The following CCDC88C variants were observed in gnomAD, a reference collection of about 807,000 sequenced individuals.
CCDC88C encodes coiled-coil and HOOK domain protein 88C.
CCDC88C carries 131 observed loss-of-function variants against 198.8 expected under a neutral mutation model. The observed-to-expected ratio is 0.66, with a 90% CI of 0.57 to 0.76. CCDC88C has a LOEUF of 0.76. Among genes scored for constraint, CCDC88C ranks in the 30% least tolerant of loss-of-function variants. The pLI is 0.00. For synonymous variants in CCDC88C, 1,166 were observed against 1,114.7 expected (o/e 1.05, Z -0.92); for missense variants, 2,553 against 2,631.6 (o/e 0.97, Z 0.65).
Position 91,325,016 on chromosome 14 carries a change from T to C in CCDC88C, c.1198-93A>G. 1 of 1,498,972 alleles carries C rather than the reference T, an allele frequency of 6.7e-7. No homozygotes were observed. The highest frequency in any genetic ancestry group is 9.1e-7 in the Non-Finnish European group (1 of 1,093,048). The allele number at this position is 1,498,972 out of a possible 1,614,324, so 92.9% of individuals were successfully genotyped here. On this transcript the variant is annotated intron_variant, in intron 11 of 29. Transcript: ENST00000389857. The surrounding 1 kb of genome is among the most constrained non-coding windows in gnomAD (Gnocchi z 4.1). ...CCCCTGTATAGCTACCGTCATGTGC[T>C]GTGGATGAAGATGTACTGGCTCACT...
At chr14:91,282,008 G>C (rs1021591505) in intron 26 of CCDC88C, among the ~76,000 whole-genome samples, 2 of 152,192 alleles carry the variant, frequency 1.3e-5, no homozygotes, top group Non-Finnish European at 2.9e-5. Context: ...AACAGCTCCT[G>C]ACCAGAAACA....
chr14:91,356,895 C>T (rs1465738098), intron 4 of CCDC88C, among the ~76,000 whole-genome samples: 1 of 151,982 alleles, frequency 6.6e-6, no homozygotes, highest in Non-Finnish European at 1.5e-5. Flanking sequence ...GGGGGAGCAC[C>T]AGCAGGAAGG....
intron 12 of CCDC88C, among the ~76,000 whole-genome samples, chr14:91,323,943 T>C (rs139501751): frequency 6.6e-6 from 1 of 152,364 alleles, no homozygotes; most frequent in East Asian, 1.9e-4. Flanking sequence ...ATGCAAGAAA[T>C]ATTCACCTGT....
intron 4 of CCDC88C, among the ~76,000 whole-genome samples, chr14:91,356,381 C>T (rs1209090293): frequency 1.3e-5 from 2 of 152,152 alleles, no homozygotes. Flanking sequence ...CAGCGAGGCC[C>T]GGGGCCCTCT....
chr14:91,347,682 C>T (rs1477300158), intron 4 of CCDC88C, among the ~76,000 whole-genome samples: 1 of 152,252 alleles, frequency 6.6e-6, no homozygotes, highest in African/African-American at 2.4e-5. Flanking sequence ...AGTCAGGAAA[C>T]AACAGGTGCT....
At chr14:91,366,497 AT>A (rs1433120549) in intron 3 of CCDC88C, among the ~76,000 whole-genome samples, 1 of 149,354 alleles carries the variant, frequency 6.7e-6, no homozygotes, top group Non-Finnish European at 1.5e-5. Context: ...AAATATAAAA[AT>A]AAAAAAAAAC....
In CCDC88C at chr14:91,381,860, C is replaced by T. The variant is rs780080194; in HGVS notation, c.271-22149G>A. On this transcript the variant is annotated intron_variant, in intron 3 of 29. Transcript: ENST00000389857. This position sits in a 1 kb window ranked among gnomAD's most constrained non-coding sequence, Gnocchi z 4.2. ...ACAACAAAAAACCGGCCCTTTCTTGCGAGACTCAGCTCACTCCTCTCTCCA... is the reference window on the plus strand; with the variant it reads ...ACAACAAAAAACCGGCCCTTTCTTGTGAGACTCAGCTCACTCCTCTCTCCA... 6.6e-6 allele frequency among the ~76,000 whole-genome samples: 1 copy of T among 151,958 alleles called. No homozygotes were observed. The highest frequency in any genetic ancestry group is 6.6e-5 in the Admixed American group (1 of 15,258).
rs748040053 is a variant in CCDC88C, at chr14:91,339,227, G to C, written c.809+51C>G. ...ACACATGTGAGTCGACACCACACCAGAAACATGTCTGCAACACACACAAAG... is the reference window on the plus strand; with the variant it reads ...ACACATGTGAGTCGACACCACACCACAAACATGTCTGCAACACACACAAAG... On this transcript the variant is annotated intron_variant, in intron 8 of 29. Coordinates refer to ENST00000389857, the MANE Select transcript of CCDC88C (RefSeq NM_001080414.4). This position sits in a 1 kb window ranked among gnomAD's most constrained non-coding sequence, Gnocchi z 5.8. 6.3e-7 allele frequency: 1 copy of C among 1,599,272 alleles called. No homozygotes were observed. Among genetic ancestry groups the C allele is most frequent in the Admixed American group, 1.7e-5 (1 of 58,660 alleles).
In CCDC88C at chr14:91,389,369, T is replaced by C. The variant is rs536973355; in HGVS notation, c.270+19290A>G. ...AAGTCAACAACTGCTCTTGAAGATG[T>C]GATTCCAAGTTCAAAGTCAAGGTCA... is the stretch of plus-strand genomic sequence containing the variant. On this transcript the variant is annotated intron_variant, in intron 3 of 29. Transcript: ENST00000389857. Among the ~76,000 whole-genome samples the C allele has an allele frequency of 5.9e-5, 9 of 152,306 alleles. No individual in the cohort carries two copies. In the East Asian group the frequency reaches 1.7e-3, roughly 29 times the overall value.
At chr14:91,377,716 A>G (rs1328742338) in intron 3 of CCDC88C, among the ~76,000 whole-genome samples, 4 of 152,240 alleles carry the variant, frequency 2.6e-5, no homozygotes, top group African/African-American at 9.6e-5. Flanking sequence ...TGTGACTTAC[A>G]CAAGATTGAA....
intron 3 of CCDC88C, among the ~76,000 whole-genome samples, chr14:91,396,279 G>T (rs1462912030): frequency 2.6e-5 from 4 of 152,168 alleles, no homozygotes; most frequent in African/African-American, 9.7e-5. Context: ...CATCAAACAT[G>T]CTGATCCTGG....
intron 4 of CCDC88C, among the ~76,000 whole-genome samples, chr14:91,347,016 C>T (rs1893571301): frequency 6.6e-6 from 1 of 152,152 alleles, no homozygotes; most frequent in Non-Finnish European, 1.5e-5. Flanking sequence ...TCCCTTTTGT[C>T]GGCCCACAGA....
chr14:91,416,868 C>T (rs1448855687), intron 1 of CCDC88C, 30 bp from the exon 2 acceptor site: 1 of 1,504,208 alleles, frequency 6.6e-7, no homozygotes, highest in Non-Finnish European at 9.2e-7. Context: ...GAGAGAAAGA[C>T]AGGAAGTCAC....
intron 3 of CCDC88C, among the ~76,000 whole-genome samples, chr14:91,404,177 C>G (rs1425023959): frequency 6.6e-6 from 1 of 152,120 alleles, no homozygotes; most frequent in Non-Finnish European, 1.5e-5. Flanking sequence ...AGAGACTGAC[C>G]CAGGTGCTCT....
chr14:91,364,812 G>A (rs998805427), intron 3 of CCDC88C, among the ~76,000 whole-genome samples: 2 of 152,180 alleles, frequency 1.3e-5, no homozygotes, highest in Admixed American at 1.3e-4. Context: ...GCTTTCCAAG[G>A]TCACAGGCGT....
chr14:91,337,213 AC>A (rs1893086616), intron 10 of CCDC88C, among the ~76,000 whole-genome samples: 1 of 152,198 alleles, frequency 6.6e-6, no homozygotes. Context: ...CCTTTCACCT[AC>A]ATTTTTCCCA....
intron 3 of CCDC88C, among the ~76,000 whole-genome samples, chr14:91,366,151 AATAC>A (rs1567101234): frequency 2.0e-5 from 2 of 101,278 alleles, no homozygotes; most frequent in Non-Finnish European, 4.2e-5. Flanking sequence ...CTACTTAAAA[AATAC>A]ACACACACAC....
intron 27 of CCDC88C, 84 bp from the exon 28 acceptor site, chr14:91,279,390 A>G: frequency 1.7e-6 from 2 of 1,167,442 alleles, no homozygotes; most frequent in Non-Finnish European, 2.4e-6. Context: ...ACGATGCAGC[A>G]AAACAATCCC....
chr14:91,309,534 C>T (rs1052714423), intron 16 of CCDC88C, among the ~76,000 whole-genome samples: 22 of 149,314 alleles, frequency 1.5e-4, no homozygotes, highest in African/African-American at 4.5e-4. Flanking sequence ...CGCTTGAACC[C>T]GGGAGGTGGA....
Sources: gnomAD v4.1 joint callset for allele counts (sites outside exome capture counted in the v4.1 genomes callset) on GRCh38, gnomAD v4.1.1 for gene constraint, Gnocchi (gnomAD v3.1) non-coding constraint, MANE v1.5 for transcripts, NCBI Gene and HGNC (gene_info 2026-07-23, HGNC 2026-07-21) for gene names.